ODAD2: variants seen among roughly 807,000 people sequenced by gnomAD.
The protein encoded by ODAD2 is outer dynein arm-docking complex subunit 2.
Under a neutral mutation model 106.8 loss-of-function variants are expected in ODAD2, and 89 were observed. The observed-to-expected ratio is 0.83, with a 90% CI of 0.70 to 0.99. The LOEUF is 0.99. ODAD2 is among the 50% of genes least tolerant of loss of function. The pLI, the probability that ODAD2 is intolerant of heterozygous loss-of-function variation, is 0.00. For missense variants in ODAD2, 1,168 were observed against 1,238.5 expected (o/e 0.94, Z 0.85); for synonymous variants, 404 against 436.2 (o/e 0.93, Z 0.92).
intron 16 of ODAD2, among the ~76,000 whole-genome samples, chr10:27,925,988 A>G (rs1354952129): frequency 6.7e-6 from 1 of 148,568 alleles, no homozygotes; most frequent in African/African-American, 2.5e-5. Flanking sequence ...CCTGGGTGAC[A>G]GAGTGAGACT....
chr10:27,819,468 C>A (rs1017215277), intron 19 of ODAD2, among the ~76,000 whole-genome samples: 1 of 150,542 alleles, frequency 6.6e-6, no homozygotes, highest in Non-Finnish European at 1.5e-5. Flanking sequence ...ACTTTCAGGC[C>A]GGGTGGATGC....
intron 15 of ODAD2, among the ~76,000 whole-genome samples, chr10:27,935,478 A>C (rs1049280156): frequency 2.0e-5 from 3 of 151,938 alleles, no homozygotes; most frequent in Non-Finnish European, 2.9e-5. Context: ...CTCTAAGAAA[A>C]CCACAGCTTG....
intron 19 of ODAD2, among the ~76,000 whole-genome samples, chr10:27,840,132 C>A (rs1020964370): frequency 6.6e-5 from 10 of 152,128 alleles, no homozygotes; most frequent in Admixed American, 5.9e-4. Context: ...GTCATTTTCA[C>A]AACTGAGGTA....
intron 17 of ODAD2, among the ~76,000 whole-genome samples, chr10:27,883,840 G>A (rs1426555030): frequency 6.6e-6 from 1 of 151,986 alleles, no homozygotes; most frequent in Non-Finnish European, 1.5e-5. Context: ...GACACTCAGT[G>A]AGCATGATAG....
intron 10 of ODAD2, among the ~76,000 whole-genome samples, chr10:27,960,269 C>T (rs1848032577): frequency 6.6e-6 from 1 of 150,398 alleles, no homozygotes; most frequent in African/African-American, 2.4e-5. Context: ...CGTATAAGCT[C>T]ATGTCCTTTT....
At chr10:27,858,892 C>A (rs1397453156) in intron 19 of ODAD2, among the ~76,000 whole-genome samples, 3 of 151,094 alleles carry the variant, frequency 2.0e-5, no homozygotes, top group Non-Finnish European at 4.4e-5. Context: ...CAACCTCCAC[C>A]TCCCAGGTTC....
intron 19 of ODAD2, among the ~76,000 whole-genome samples, chr10:27,848,121 C>G (rs1838931692): frequency 6.6e-6 from 1 of 152,154 alleles, no homozygotes; most frequent in African/African-American, 2.4e-5. Context: ...CATGACAATC[C>G]TAAGCCAAAA....
At chr10:27,991,189 C>G (rs1850214067) in intron 2 of ODAD2, among the ~76,000 whole-genome samples, 1 of 152,086 alleles carries the variant, frequency 6.6e-6, no homozygotes, top group Admixed American at 6.5e-5. Flanking sequence ...AGAACAAAAG[C>G]AATTGCAAAT....
Position 27,970,101 on chromosome 10 carries a change from AAAATAAATAAAT to A in ODAD2, c.1142+995_1142+1006del, listed in dbSNP as rs57804974. ...GGGTGACAGCGAGATTCTGTCTCAA[AAAATAAATAAAT>A]AAATAAATAAATAAATAAATAAATA... On this transcript the variant is annotated intron_variant, in intron 8 of 19. Coordinates refer to ENST00000305242, the MANE Select transcript of ODAD2 (RefSeq NM_018076.5). Among the ~76,000 whole-genome samples, 164 of 133,414 alleles carry A rather than the reference AAAATAAATAAAT, an allele frequency of 1.2e-3. 1 individual carries two copies. The highest frequency in any genetic ancestry group is 2.0e-3 in the Admixed American group (25 of 12,804). 87.5% of individuals were successfully genotyped at this position (133,414 alleles called of 152,430 possible). A position where few individuals can be genotyped will look rare whatever the true frequency, so the allele number is the denominator to read the frequency against.
intron 2 of ODAD2, 74 bp downstream of exon 2, chr10:27,994,845 C>T (rs1850455862): frequency 1.3e-6 from 2 of 1,513,938 alleles, no homozygotes; most frequent in East Asian, 4.8e-5. Flanking sequence ...GTGACTTGCC[C>T]CCAAACCTAG....
intron 19 of ODAD2, among the ~76,000 whole-genome samples, chr10:27,841,308 G>A (rs1313808940): frequency 6.6e-6 from 1 of 152,150 alleles, no homozygotes; most frequent in Admixed American, 6.5e-5. Context: ...CATCCAATCT[G>A]TAACTAAGCC....
chr10:27,923,870 G>C (rs943593703), intron 16 of ODAD2, among the ~76,000 whole-genome samples: 2 of 151,350 alleles, frequency 1.3e-5, no homozygotes, highest in African/African-American at 2.4e-5. Flanking sequence ...GATTGCTTGA[G>C]TCCAGGAGTC....
At chr10:27,877,435 A>T (rs1041661) in intron 17 of ODAD2, among the ~76,000 whole-genome samples, 1 of 151,798 alleles carries the variant, frequency 6.6e-6, no homozygotes, top group Non-Finnish European at 1.5e-5. Context: ...CTTCCTAATG[A>T]CTCCTAATCT....
chr10:27,825,893 T>C (rs778217939), intron 19 of ODAD2, among the ~76,000 whole-genome samples: 2 of 152,230 alleles, frequency 1.3e-5, no homozygotes, highest in Non-Finnish European at 2.9e-5. Context: ...TTTTCTAATA[T>C]ATGAATAAAA....
intron 8 of ODAD2, 41 bp from the exon 9 acceptor site, chr10:27,969,059 T>C: frequency 1.7e-6 from 1 of 594,170 alleles, no homozygotes; most frequent in African/African-American, 1.9e-5. Flanking sequence ...TATTGCTTTA[T>C]GCTAATTAAT....
At chr10:27,905,801 A>C (rs935721079) in intron 17 of ODAD2, among the ~76,000 whole-genome samples, 1 of 152,228 alleles carries the variant, frequency 6.6e-6, no homozygotes, top group Non-Finnish European at 1.5e-5. Flanking sequence ...TGTTGGGAAA[A>C]CTGGCTAGCT....
At chr10:27,986,975 T>C (rs781763033) in intron 3 of ODAD2, among the ~76,000 whole-genome samples, 1 of 152,214 alleles carries the variant, frequency 6.6e-6, no homozygotes, top group Non-Finnish European at 1.5e-5. Flanking sequence ...AGGAAATAGA[T>C]TGTCATTCAA....
chr10:27,968,937 T>G lies in ODAD2; in HGVS notation c.1224A>C (p.Arg408Ser). 1 of 642,008 alleles carries G rather than the reference T, an allele frequency of 1.6e-6. No homozygotes were observed. The highest frequency in any genetic ancestry group is 2.7e-6 in the Non-Finnish European group (1 of 363,848). 39.8% of individuals were successfully genotyped at this position (642,008 alleles called of 1,614,324 possible). A position where few individuals can be genotyped will look rare whatever the true frequency, so the allele number is the denominator to read the frequency against. The stretch of plus-strand genomic sequence containing the variant: ...CAGAAACATACCGAAGTAATTGTGC[T>G]CTTCCGTGTGAAACAGATGGTCTTG... ...EKPRPSVSHG[R>S]AQLLRKSAEK... The change falls in exon 9 of 20, where the codon AGA becomes AGC. Residue 408 changes from arginine to serine, a missense_variant. By Grantham distance (110) the Arg-to-Ser change is moderately radical. Transcript: ENST00000305242.
At chr10:27,882,225 G>GAAATAAAT (rs1554799101) in intron 17 of ODAD2, among the ~76,000 whole-genome samples, 62 of 150,840 alleles carry the variant, frequency 4.1e-4, no homozygotes, top group African/African-American at 1.5e-3. Flanking sequence ...AAGAAAGAAA[G>GAAATAAAT]AAAGAAAGAA....
Sources: allele counts gnomAD v4.1 joint callset (sites outside exome capture counted in the v4.1 genomes callset), GRCh38; gene constraint gnomAD v4.1.1; transcripts MANE v1.5; gene names NCBI Gene and HGNC (gene_info 2026-07-23, HGNC 2026-07-21).